Variants in TIAM1 observed in about 807,000 individuals in gnomAD.
TIAM1 encodes the protein TIAM Rac1 associated GEF 1, also known as rho guanine nucleotide exchange factor TIAM1.
A neutral mutation model predicts 163.5 loss-of-function variants in TIAM1; 65 were observed. The ratio of observed to expected loss-of-function variants is 0.40; its 90% confidence interval spans 0.33 to 0.49. The LOEUF (loss-of-function observed/expected upper bound fraction) is 0.49, where lower values mean the gene tolerates loss of function less well. Ranked by LOEUF, TIAM1 falls within the 20% of genes least tolerant of loss-of-function variation. The pLI is 0.77. For missense variants in TIAM1, 1,789 were observed against 2,044.7 expected, an observed-to-expected ratio of 0.87 and a Z score of 2.41; for synonymous variants, 833 against 810.1, an observed-to-expected ratio of 1.03 and a Z score of -0.48.
chr21:31,266,251 G>A lies in TIAM1; in HGVS notation c.722C>T (p.Ser241Phe). Reference protein sequence around the residue: ...SLGDLYAQKNSGVTANGGPGS... With the variant: ...SLGDLYAQKNFGVTANGGPGS... ...CGGCCCCCCGTTTGCTGTCACTCCA[G>A]AGTTTTTCTGAGCATACAAGTCACC... Residue 241 changes from serine (S) to phenylalanine (F), a missense_variant, in exon 4 of 28, where the codon TCT becomes TTT. By Grantham distance (155) the Ser-to-Phe change is radical. Coordinates refer to ENST00000541036, the MANE Select transcript of TIAM1 (RefSeq NM_001353694.2). 6.2e-7 allele frequency: 1 copy of A among 1,614,206 alleles called. No homozygotes were observed. Among genetic ancestry groups the A allele is most frequent in the East Asian group, 2.2e-5 (1 of 44,878 alleles).
chr21:31,292,894 C>T (rs1386572341), intron 2 of TIAM1, among the ~76,000 whole-genome samples: 1 of 151,774 alleles, frequency 6.6e-6, no homozygotes, highest in African/African-American at 2.4e-5. Flanking sequence ...GTCTCGAACT[C>T]CTGACCTGAA....
At chr21:31,552,703 G>C (rs1381557809) in intron 1 of TIAM1, among the ~76,000 whole-genome samples, 2 of 152,112 alleles carry the variant, frequency 1.3e-5, no homozygotes, top group Non-Finnish European at 2.9e-5. Flanking sequence ...CTGGGAGATG[G>C]AGGTTGCAGT....
chr21:31,202,412 A>T (rs1569017618), intron 12 of TIAM1, among the ~76,000 whole-genome samples: 1 of 152,020 alleles, frequency 6.6e-6, no homozygotes, highest in African/African-American at 2.4e-5. Context: ...ATTAAAAAAT[A>T]AAAGTTCGTC....
At chr21:31,299,136 CAG>C (rs1409256883) in intron 2 of TIAM1, among the ~76,000 whole-genome samples, 2 of 152,134 alleles carry the variant, frequency 1.3e-5, no homozygotes, top group African/African-American at 4.8e-5. Context: ...GTTATGAACA[CAG>C]TGCATCCAAA....
rs950840678 is a variant in TIAM1 at position 31,383,744 on chromosome 21, G to A, written c.-368-44322C>T. Among the ~76,000 whole-genome samples, 5 of 152,152 alleles carry A rather than the reference G, an allele frequency of 3.3e-5. 1 individual carries two copies. Among genetic ancestry groups the A allele is most frequent in the African/African-American group, 7.2e-5 (3 of 41,432 alleles). On this transcript the variant is annotated intron_variant, in intron 2 of 28. Transcript: ENST00000286827. ...ACATAAGGTTACACACCAACAGGAC[G>A]TGTCCATGTAAACAAGGTAGGCATG...
chr21:31,360,365 T>C (rs1001290052), intron 2 of TIAM1, among the ~76,000 whole-genome samples: 5 of 152,066 alleles, frequency 3.3e-5, no homozygotes, highest in African/African-American at 1.2e-4. Context: ...CAGTAGAGAA[T>C]AAAAGGAGTT....
At chr21:31,193,792 C>T (rs893307950) in intron 13 of TIAM1, among the ~76,000 whole-genome samples, 1 of 152,128 alleles carries the variant, frequency 6.6e-6, no homozygotes, top group Non-Finnish European at 1.5e-5. Flanking sequence ...CGGTGAGTGC[C>T]GGCAGTGTGA....
intron 15 of TIAM1, among the ~76,000 whole-genome samples, chr21:31,172,458 A>G (rs562615088): frequency 6.6e-6 from 1 of 152,104 alleles, no homozygotes; most frequent in Non-Finnish European, 1.5e-5. Context: ...GTCCCCACCT[A>G]CTTACCAGGA....
chr21:31,524,975 C>G (rs1201422625), intron 1 of TIAM1, among the ~76,000 whole-genome samples: 1 of 152,094 alleles, frequency 6.6e-6, no homozygotes, highest in African/African-American at 2.4e-5. Flanking sequence ...GCAGCAACAT[C>G]TGCTTCTGGG....
chr21:31,388,489 G>GAAATA (rs112227562), intron 2 of TIAM1, among the ~76,000 whole-genome samples: 48,473 of 150,132 alleles, frequency 0.32, 7,963 homozygotes, highest in Middle Eastern at 0.51. Flanking sequence ...AAAAATAAAT[G>GAAATA]AAATAAAATA....
chr21:31,330,477 A>T (rs2268227), intron 2 of TIAM1, among the ~76,000 whole-genome samples: 28,778 of 152,106 alleles, frequency 0.19, 4,146 homozygotes, highest in East Asian at 0.44. Flanking sequence ...TTCCCTCTGT[A>T]GCCCAGGCTG....
At chr21:31,129,044 A>G (rs953923447) in intron 25 of TIAM1, among the ~76,000 whole-genome samples, 4 of 152,214 alleles carry the variant, frequency 2.6e-5, no homozygotes, top group East Asian at 3.9e-4. Context: ...TCTCTTGATC[A>G]TGCACCTGCA....
intron 1 of TIAM1, among the ~76,000 whole-genome samples, chr21:31,485,107 A>AT (rs72562679): frequency 2.8e-5 from 2 of 71,194 alleles, no homozygotes; most frequent in African/African-American, 1.6e-4. Context: ...TCTCTGAATA[A>AT]TTTCATTCTT....
chr21:31,437,466 G>A (rs1455005150), intron 2 of TIAM1, among the ~76,000 whole-genome samples: 1 of 144,696 alleles, frequency 6.9e-6, no homozygotes, highest in East Asian at 2.0e-4. Flanking sequence ...TTGTGTCACT[G>A]CACTCTATCC....
chr21:31,366,182 C>T (rs2076502596), intron 2 of TIAM1, among the ~76,000 whole-genome samples: 2 of 151,908 alleles, frequency 1.3e-5, no homozygotes, highest in African/African-American at 4.8e-5. Flanking sequence ...AATACTATGC[C>T]CTTGGCCCTT....
At chr21:31,556,030 G>A (rs1351515509) in intron 1 of TIAM1, among the ~76,000 whole-genome samples, 1 of 152,134 alleles carries the variant, frequency 6.6e-6, no homozygotes, top group East Asian at 1.9e-4. Context: ...GGGCTCTTTG[G>A]ACGAGCATTA....
intron 1 of TIAM1, among the ~76,000 whole-genome samples, chr21:31,468,818 G>A (rs2045629820): frequency 6.6e-6 from 1 of 152,048 alleles, no homozygotes; most frequent in South Asian, 2.1e-4. Flanking sequence ...AATACTCTCA[G>A]ATTGCCCTTC....
At chr21:31,131,778 G>A (rs2082419423) in intron 23 of TIAM1, among the ~76,000 whole-genome samples, 1 of 152,190 alleles carries the variant, frequency 6.6e-6, no homozygotes. Context: ...CCTTGTGATG[G>A]TTTCAGGAGG....
intron 2 of TIAM1, among the ~76,000 whole-genome samples, chr21:31,385,842 TTATA>T (rs1461667035): frequency 6.8e-6 from 1 of 147,092 alleles, no homozygotes; most frequent in African/African-American, 2.5e-5. Context: ...TATTATATAT[TTATA>T]TATAATACAT....
Sources: allele counts gnomAD v4.1 joint callset (sites outside exome capture counted in the v4.1 genomes callset), GRCh38; gene constraint gnomAD v4.1.1; transcripts MANE v1.5; gene names NCBI Gene and HGNC (gene_info 2026-07-23, HGNC 2026-07-21).